The following NRG1 variants were observed in gnomAD, a reference collection of about 807,000 sequenced individuals.
NRG1 encodes pro-neuregulin-1, membrane-bound isoform.
Under a neutral mutation model 63.8 loss-of-function variants are expected in NRG1, and 18 were observed. The observed-to-expected ratio is 0.28, with a 90% confidence interval of 0.19 to 0.42. The LOEUF is 0.42. Among genes scored for constraint, NRG1 ranks in the 10% least tolerant of loss-of-function variants. The pLI is 1.00. For missense variants in NRG1, 762 were observed against 814.7 expected, an observed-to-expected ratio of 0.94 and a Z score of 0.79; for synonymous variants, 302 against 301.3, an observed-to-expected ratio of 1.00 and a Z score of -0.02.
intron 1 of NRG1, among the ~76,000 whole-genome samples, chr8:32,472,279 C>T (rs1296440778): frequency 6.6e-6 from 1 of 152,192 alleles, no homozygotes; most frequent in Non-Finnish European, 1.5e-5. Flanking sequence ...CAGTGATTCT[C>T]CAGCCTCAGC....
intron 5 of NRG1, among the ~76,000 whole-genome samples, chr8:32,700,584 T>A (rs563691992): frequency 6.6e-6 from 1 of 152,344 alleles, no homozygotes; most frequent in South Asian, 2.1e-4. Flanking sequence ...CAATAAATCC[T>A]GGTTTTGCTT....
intron 5 of NRG1, among the ~76,000 whole-genome samples, chr8:32,640,106 A>G (rs1412358285): frequency 6.6e-6 from 1 of 152,204 alleles, no homozygotes; most frequent in East Asian, 1.9e-4. Flanking sequence ...AATATTAATG[A>G]GACACAGCAA....
intron 1 of NRG1, among the ~76,000 whole-genome samples, chr8:32,041,279 C>T (rs1819988552): frequency 6.6e-6 from 1 of 152,152 alleles, no homozygotes; most frequent in African/African-American, 2.4e-5. Flanking sequence ...TTAATTACTA[C>T]ATTTATTATG....
At chr8:32,381,710 T>G (rs1810378177) in intron 1 of NRG1, among the ~76,000 whole-genome samples, 1 of 152,172 alleles carries the variant, frequency 6.6e-6, no homozygotes, top group Admixed American at 6.5e-5. Flanking sequence ...ATAAATCAGC[T>G]ATGGTTAAAG....
chr8:31,993,790 A>G (rs922177066), intron 1 of NRG1, among the ~76,000 whole-genome samples: 9 of 151,946 alleles, frequency 5.9e-5, no homozygotes, highest in African/African-American at 2.2e-4. Context: ...ACTTCTATTA[A>G]ATGGTGTAAA....
At chr8:31,757,564 C>T (rs559567060) in intron 1 of NRG1, among the ~76,000 whole-genome samples, 2 of 152,002 alleles carry the variant, frequency 1.3e-5, no homozygotes, top group African/African-American at 4.8e-5. Context: ...AGAAAAATGC[C>T]ACACCAAGAC....
chr8:32,348,618 A>G (rs954697901), intron 1 of NRG1, among the ~76,000 whole-genome samples: 5 of 151,938 alleles, frequency 3.3e-5, no homozygotes, highest in South Asian at 4.2e-4. Flanking sequence ...ACTCAATTGT[A>G]TAGTGTTTTG....
chr8:32,234,705 T>C (rs1245353985), intron 1 of NRG1, among the ~76,000 whole-genome samples: 1 of 152,080 alleles, frequency 6.6e-6, no homozygotes, highest in Non-Finnish European at 1.5e-5. Context: ...CTCAAAAACT[T>C]GATATACTCA....
At chr8:31,986,051 G>A (rs942760883) in intron 1 of NRG1, among the ~76,000 whole-genome samples, 1 of 152,088 alleles carries the variant, frequency 6.6e-6, no homozygotes, top group Non-Finnish European at 1.5e-5. Flanking sequence ...ATCATTTGCT[G>A]TCTTGGTTTC....
At chr8:32,425,540 C>A (rs1817250513) in intron 1 of NRG1, among the ~76,000 whole-genome samples, 1 of 152,124 alleles carries the variant, frequency 6.6e-6, no homozygotes, top group East Asian at 1.9e-4. Context: ...TGGAACACAC[C>A]CATCACACCC....
chr8:31,938,211 C>T (rs1194512188), intron 1 of NRG1, among the ~76,000 whole-genome samples: 1 of 152,170 alleles, frequency 6.6e-6, no homozygotes, highest in Non-Finnish European at 1.5e-5. Context: ...GCTGCAAGAC[C>T]TGAAGAGGGA....
At chr8:32,661,786 C>A (rs2439323) in intron 5 of NRG1, among the ~76,000 whole-genome samples, 150,438 of 152,332 alleles carry the variant, frequency 0.99, 74,318 homozygotes, top group East Asian at 1. Context: ...AATAATAAAC[C>A]AGAAATCATA....
chr8:32,656,265 TG>T (rs539493190), intron 5 of NRG1, among the ~76,000 whole-genome samples: 15 of 152,176 alleles, frequency 9.9e-5, no homozygotes, highest in African/African-American at 3.6e-4. Context: ...TTAATAGGTT[TG>T]GGAGGGGTGG....
chr8:32,334,643 G>A (rs1449536289), intron 1 of NRG1, among the ~76,000 whole-genome samples: 1 of 152,172 alleles, frequency 6.6e-6, no homozygotes, highest in Non-Finnish European at 1.5e-5. Flanking sequence ...TAACTGAAAA[G>A]GCCCTGTTTC....
At chr8:32,691,599 A>T (rs567445626) in intron 5 of NRG1, among the ~76,000 whole-genome samples, 2 of 152,226 alleles carry the variant, frequency 1.3e-5, no homozygotes, top group Non-Finnish European at 2.9e-5. Flanking sequence ...ATGGATAAAG[A>T]TATTTATTGT....
chr8:32,552,483 A>G (rs1834344224), intron 1 of NRG1, among the ~76,000 whole-genome samples: 1 of 152,136 alleles, frequency 6.6e-6, no homozygotes, highest in South Asian at 2.1e-4. Flanking sequence ...AGGTAGAAGC[A>G]GGCTGTGTGT....
chr8:32,488,755 A>G (rs1287340903), intron 1 of NRG1, among the ~76,000 whole-genome samples: 1 of 152,210 alleles, frequency 6.6e-6, no homozygotes, highest in African/African-American at 2.4e-5. Flanking sequence ...ATGGAGAGAC[A>G]GTGGGTGGAG....
chr8:31,944,286 A>G (rs1300773579), intron 1 of NRG1, among the ~76,000 whole-genome samples: 2 of 152,182 alleles, frequency 1.3e-5, no homozygotes, highest in African/African-American at 4.8e-5. Context: ...AGTGTATACT[A>G]TGTGTCAGAC....
intron 1 of NRG1, among the ~76,000 whole-genome samples, chr8:31,714,911 C>T (rs1348533576): frequency 6.6e-6 from 1 of 152,060 alleles, no homozygotes; most frequent in Non-Finnish European, 1.5e-5. Context: ...ACTTTAGTAG[C>T]CTTGTGATTT....
Sources: allele counts gnomAD v4.1 joint callset (sites outside exome capture counted in the v4.1 genomes callset), GRCh38; gene constraint gnomAD v4.1.1; transcripts MANE v1.5; gene names NCBI Gene and HGNC (gene_info 2026-07-23, HGNC 2026-07-21).